CHCHD3: variants seen among roughly 807,000 people sequenced by gnomAD.
CHCHD3 encodes the protein MICOS complex subunit MIC19.
Under a neutral mutation model 38.2 loss-of-function variants are expected in CHCHD3, and 20 were observed. The ratio of observed to expected loss-of-function variants is 0.52; its 90% confidence interval spans 0.37 to 0.76. The LOEUF is 0.76. Ranked by LOEUF, CHCHD3 falls within the 30% of genes least tolerant of loss-of-function variation. The probability of loss-of-function intolerance (pLI) is 0.00; values close to 1 mark genes in which losing one functional copy is unlikely to be tolerated. For missense variants in CHCHD3, 245 were observed against 279.2 expected, an observed-to-expected ratio of 0.88 and a Z score of 0.87; for synonymous variants, 82 against 100.0, an observed-to-expected ratio of 0.82 and a Z score of 1.07.
intron 6 of CHCHD3, among the ~76,000 whole-genome samples, chr7:132,824,726 A>G (rs1210531166): frequency 6.6e-6 from 1 of 152,148 alleles, no homozygotes; most frequent in Non-Finnish European, 1.5e-5. Context: ...GTGGTCTCAT[A>G]TTCCACTAGA....
chr7:132,973,261 G>A (rs183518425), intron 4 of CHCHD3: 179 of 985,328 alleles, frequency 1.8e-4, no homozygotes, highest in Non-Finnish European at 2.1e-4. Context: ...TCTGCCCGCT[G>A]GAAACTAAGA....
Position 132,870,543 on chromosome 7 carries a change from C to T in CHCHD3, c.453+15119G>A, listed in dbSNP as rs1808741794. Among the ~76,000 whole-genome samples the T allele has an allele frequency of 3.9e-5, 6 of 151,928 alleles. No individual in the cohort carries two copies. The South Asian group carries it at 1.2e-3, about 32-fold the overall frequency. ...CTAATTTAGTATGTATAAATTAACA[C>T]ATAATATTTTATTTAATCTCCACAT... is the stretch of plus-strand genomic sequence containing the variant. On this transcript the variant is annotated intron_variant, in intron 5 of 7. Transcript: ENST00000262570.
intron 5 of CHCHD3, among the ~76,000 whole-genome samples, chr7:132,841,294 T>C (rs752845458): frequency 6.6e-6 from 1 of 151,282 alleles, no homozygotes; most frequent in Non-Finnish European, 1.5e-5. Flanking sequence ...TCATGGAAAG[T>C]CACAAATGCC....
intron 4 of CHCHD3, among the ~76,000 whole-genome samples, chr7:132,937,332 T>G (rs999905033): frequency 1.3e-5 from 2 of 152,194 alleles, no homozygotes; most frequent in East Asian, 1.9e-4. Flanking sequence ...ATCCTATTTT[T>G]GGGACTGAAA....
At chr7:133,071,780 A>C (rs1477936665) in intron 1 of CHCHD3, among the ~76,000 whole-genome samples, 1 of 152,228 alleles carries the variant, frequency 6.6e-6, no homozygotes, top group Non-Finnish European at 1.5e-5. Flanking sequence ...AAGAGCAGTG[A>C]AGTTATGACA....
At chr7:132,889,243 C>T (rs1809301052) in intron 4 of CHCHD3, among the ~76,000 whole-genome samples, 1 of 151,894 alleles carries the variant, frequency 6.6e-6, no homozygotes, top group Non-Finnish European at 1.5e-5. Context: ...GTTTTCTCCC[C>T]CATTCAATGT....
intron 3 of CHCHD3, among the ~76,000 whole-genome samples, chr7:133,003,478 T>C (rs1456521008): frequency 6.6e-6 from 1 of 152,194 alleles, no homozygotes; most frequent in Non-Finnish European, 1.5e-5. Flanking sequence ...TTTTTATCTG[T>C]ATGAGACACA....
At chr7:132,796,027 G>GT (rs142998824) in intron 7 of CHCHD3, among the ~76,000 whole-genome samples, 18,490 of 148,690 alleles carry the variant, frequency 0.12, 1,190 homozygotes, top group Middle Eastern at 0.18. Flanking sequence ...GTGGTGTTTT[G>GT]TTTTTTTTTT....
intron 1 of CHCHD3, among the ~76,000 whole-genome samples, chr7:133,076,921 T>A (rs1815007250): frequency 6.6e-6 from 1 of 152,178 alleles, no homozygotes; most frequent in African/African-American, 2.4e-5. Context: ...CTCAGACCCA[T>A]TTTTTCTCTC....
intron 4 of CHCHD3, among the ~76,000 whole-genome samples, chr7:132,974,956 T>A (rs920103962): frequency 1.3e-5 from 2 of 152,180 alleles, no homozygotes; most frequent in African/African-American, 4.8e-5. Context: ...TGCATGTTGG[T>A]CTTCAATACT....
At chr7:132,851,032 A>T (rs1337848569) in intron 5 of CHCHD3, among the ~76,000 whole-genome samples, 2 of 152,210 alleles carry the variant, frequency 1.3e-5, no homozygotes, top group Non-Finnish European at 2.9e-5. Flanking sequence ...TTTAGGAATA[A>T]GAGGAACCTA....
intron 2 of CHCHD3, among the ~76,000 whole-genome samples, chr7:133,067,750 C>T (rs1814712491): frequency 6.6e-6 from 1 of 152,172 alleles, no homozygotes; most frequent in African/African-American, 2.4e-5. Context: ...ATGTTTCTAC[C>T]TCCCTTACAG....
chr7:133,074,489 C>T (rs1454031871), intron 1 of CHCHD3, among the ~76,000 whole-genome samples: 3 of 152,086 alleles, frequency 2.0e-5, no homozygotes, highest in Admixed American at 6.5e-5. Flanking sequence ...AACTGAGACA[C>T]ATCCTAGAAA....
chr7:132,840,267 A>G (rs1365530257), intron 5 of CHCHD3, among the ~76,000 whole-genome samples: 1 of 152,214 alleles, frequency 6.6e-6, no homozygotes, highest in Non-Finnish European at 1.5e-5. Flanking sequence ...CCCTTCTAAC[A>G]AAGAATGTAG....
chr7:132,898,783 G>C (rs1809583382), intron 4 of CHCHD3, among the ~76,000 whole-genome samples: 1 of 152,336 alleles, frequency 6.6e-6, no homozygotes, highest in Non-Finnish European at 1.5e-5. Flanking sequence ...GCGAGAAATC[G>C]AGCGCAGCGC....
At chr7:132,988,466 A>G (rs890280517) in intron 3 of CHCHD3, among the ~76,000 whole-genome samples, 10 of 152,168 alleles carry the variant, frequency 6.6e-5, no homozygotes, top group African/African-American at 2.4e-4. Flanking sequence ...GTGTGAGCAT[A>G]TTTTTATAAA....
chr7:132,898,569 AGGTGGAGTT>A (rs1439084296), intron 4 of CHCHD3, among the ~76,000 whole-genome samples: 2 of 152,238 alleles, frequency 1.3e-5, no homozygotes, highest in Non-Finnish European at 2.9e-5. Context: ...CCCAGGCTGC[AGGTGGAGTT>A]GCCTGCCAGT....
intron 3 of CHCHD3, among the ~76,000 whole-genome samples, chr7:133,008,622 C>A (rs1042038861): frequency 6.6e-6 from 1 of 151,922 alleles, no homozygotes; most frequent in African/African-American, 2.4e-5. Context: ...ATGTCTGAGA[C>A]AAATTTAAAT....
chr7:132,973,320 A>G (rs920074701), intron 4 of CHCHD3: 29 of 985,322 alleles, frequency 2.9e-5, no homozygotes, highest in Non-Finnish European at 3.5e-5. Flanking sequence ...AACCTCCTCC[A>G]CTACATCCTT....
Sources: gnomAD v4.1 joint callset for allele counts (sites outside exome capture counted in the v4.1 genomes callset) on GRCh38, gnomAD v4.1.1 for gene constraint, MANE v1.5 for transcripts, NCBI Gene and HGNC (gene_info 2026-07-23, HGNC 2026-07-21) for gene names.